The following SHISAL2A variants were observed in gnomAD, a reference collection of about 807,000 sequenced individuals.
The protein encoded by SHISAL2A is protein shisa-like-2A.
Under a neutral mutation model 11.5 loss-of-function variants are expected in SHISAL2A, and 18 were observed. The observed-to-expected ratio is 1.57, with a 90% CI of 1.08 to 2.33. The LOEUF (loss-of-function observed/expected upper bound fraction) is 2.33. SHISAL2A is among the 30% of genes most tolerant of loss of function. The pLI, the probability that SHISAL2A is intolerant of heterozygous loss-of-function variation, is 0.00. For synonymous variants in SHISAL2A, 94 were observed against 99.6 expected (o/e 0.94, Z 0.34); for missense variants, 261 against 250.9 (o/e 1.04, Z -0.27).
intron 2 of SHISAL2A, among the ~76,000 whole-genome samples, chr1:52,647,545 T>A (rs1449101584): frequency 1.3e-5 from 2 of 151,996 alleles, no homozygotes. Context: ...GGGAATGCAA[T>A]TCAAAAATGA....
intron 1 of SHISAL2A, among the ~76,000 whole-genome samples, chr1:52,637,858 T>C (rs780377018): frequency 6.6e-6 from 1 of 152,170 alleles, no homozygotes; most frequent in African/African-American, 2.4e-5. Flanking sequence ...GGTTTTTATC[T>C]TTCAGAGTCA....
chr1:52,637,119 C>A (rs977660252), intron 1 of SHISAL2A, among the ~76,000 whole-genome samples: 2 of 152,180 alleles, frequency 1.3e-5, no homozygotes, highest in African/African-American at 4.8e-5. Context: ...ATGGGCTGAT[C>A]TCTGGGGTAA....
chr1:52,648,912 A>G (rs577528380), intron 2 of SHISAL2A, among the ~76,000 whole-genome samples: 2 of 151,574 alleles, frequency 1.3e-5, no homozygotes, highest in Non-Finnish European at 2.9e-5. Context: ...AATGGAAACC[A>G]TCCTCCTGCT....
intron 2 of SHISAL2A, among the ~76,000 whole-genome samples, chr1:52,653,746 C>A (rs1361258394): frequency 1.3e-5 from 2 of 152,006 alleles, no homozygotes; most frequent in Non-Finnish European, 2.9e-5. Context: ...TGCAACCCGC[C>A]CTTTTTTTTT....
intron 4 of SHISAL2A, among the ~76,000 whole-genome samples, chr1:52,666,933 A>C (rs958960714): frequency 6.6e-6 from 1 of 152,192 alleles, no homozygotes; most frequent in African/African-American, 2.4e-5. Context: ...CTCTTGCCCC[A>C]TTGCAGCCAC....
intron 1 of SHISAL2A, among the ~76,000 whole-genome samples, chr1:52,634,047 T>G (rs1049682257): frequency 6.6e-6 from 1 of 151,638 alleles, no homozygotes; most frequent in African/African-American, 2.4e-5. Flanking sequence ...TCCACCCCAA[T>G]CATCATCCCA....
At position 52,648,589 on chromosome 1, in the gene SHISAL2A, C is replaced by T. The variant is rs1374885604; in HGVS notation, c.322+5587C>T. Among the ~76,000 whole-genome samples, 3 of 152,326 alleles carry T rather than the reference C, an allele frequency of 2.0e-5. No individual in the cohort carries two copies. In the East Asian group the frequency reaches 5.8e-4, roughly 29 times the overall value. On this transcript the variant is annotated intron_variant, in intron 2 of 2. Coordinates refer to ENST00000517870, the MANE Select transcript of SHISAL2A (RefSeq NM_001042693.3). ...CAGACACTGTTTGAAATTTCACACA[C>T]ACCATCTCCTCTAATCTTTCCAGCT...
At chr1:52,657,092 AG>A, downstream of SHISAL2A, 1 of 1,526,726 alleles carries the variant, frequency 6.5e-7, no homozygotes, top group Non-Finnish European at 8.8e-7. Context: ...CTTCAGTGAA[AG>A]GTGGGAGTGG....
chr1:52,643,725 C>T (rs992704499), intron 2 of SHISAL2A, among the ~76,000 whole-genome samples: 56 of 152,168 alleles, frequency 3.7e-4, no homozygotes, highest in African/African-American at 1.1e-3. Context: ...TGGTGGCAGG[C>T]GCCTATAATC....
At chr1:52,661,610 A>T (rs1050881237), downstream of SHISAL2A, among the ~76,000 whole-genome samples, 2 of 152,196 alleles carry the variant, frequency 1.3e-5, no homozygotes, top group Non-Finnish European at 2.9e-5. Flanking sequence ...GAACACTCAC[A>T]GGGGTGTGAA....
intron 1 of SHISAL2A, 96 bp from the exon 2 acceptor site, chr1:52,642,767 A>T: frequency 8.0e-7 from 1 of 1,256,512 alleles, no homozygotes; most frequent in Non-Finnish European, 1.1e-6. Flanking sequence ...TTTTCTTCCC[A>T]GCAGGCTCAT....
At chr1:52,643,045 G>A in intron 2 of SHISAL2A, 43 bp downstream of exon 2, 1 of 1,593,810 alleles carries the variant, frequency 6.3e-7, no homozygotes, top group African/African-American at 1.3e-5. Context: ...CGGTAGACTA[G>A]CACCTTTTCA....
chr1:52,656,741 C>A lies in SHISAL2A; in HGVS notation c.323-49C>A, dbSNP rs1285258126. 6 of 1,555,330 alleles carry A rather than the reference C, an allele frequency of 3.9e-6. No individual in the cohort carries two copies. In the East Asian group the frequency reaches 1.1e-4, roughly 29 times the overall value. On this transcript the variant is annotated intron_variant, in intron 2 of 2. Coordinates refer to ENST00000517870, the MANE Select transcript of SHISAL2A (RefSeq NM_001042693.3). The stretch of plus-strand genomic sequence containing the variant: ...AGAGAAGTCAGCTGGGGAGTGTGAT[C>A]CTGTTGGGGAAGAAGAGAGCCACAC...
At chr1:52,660,629 A>T (rs1161966716), downstream of SHISAL2A, among the ~76,000 whole-genome samples, 1 of 152,176 alleles carries the variant, frequency 6.6e-6, no homozygotes, top group African/African-American at 2.4e-5. Context: ...AGGGCGGAGG[A>T]GCTAGCTGGA....
At chr1:52,632,900 G>A (rs969030832), upstream of SHISAL2A, among the ~76,000 whole-genome samples, 3 of 152,086 alleles carry the variant, frequency 2.0e-5, no homozygotes, top group East Asian at 1.9e-4. Context: ...GAACATCCCC[G>A]GGCCCCTGGG....
At chr1:52,657,245 A>G (rs952677353), downstream of SHISAL2A, among the ~76,000 whole-genome samples, 2 of 152,220 alleles carry the variant, frequency 1.3e-5, no homozygotes, top group African/African-American at 4.8e-5. Context: ...AAAAATGGTC[A>G]GTAACAACTC....
At position 52,633,574 on chromosome 1, in the gene SHISAL2A, G is replaced by A; in HGVS notation, c.81G>A (p.Glu27=). The A allele has an allele frequency of 1.2e-6, 2 of 1,611,434 alleles. No homozygotes were observed. Among genetic ancestry groups the A allele is most frequent in the South Asian group, 1.1e-5 (1 of 90,940 alleles). The change falls in exon 1 of 3, where the codon GAG becomes GAA. Residue 27 remains glutamate (E), a synonymous_variant. Coordinates refer to ENST00000517870, the MANE Select transcript of SHISAL2A (RefSeq NM_001042693.3). The surrounding 1 kb of genome is among the most constrained non-coding windows in gnomAD (Gnocchi z 6.4). ...TCAGCTGCCCGCGGCCGGGGGGCGA[G>A]GCGGCCGCTGTCTTCTGCTGCGGCT... The part of the protein sequence containing the change: ...RGFSCPRPGG[E]AAAVFCCGFR...
rs1691168144 is a variant in SHISAL2A, at chr1:52,633,344, GTC to G, written c.-146_-145del. The G allele has an allele frequency of 1.4e-6, 1 of 719,406 alleles. No individual in the cohort carries two copies. Among genetic ancestry groups the G allele is most frequent in the East Asian group, 3.4e-5 (1 of 29,018 alleles). 44.6% of individuals were successfully genotyped at this position (719,406 alleles called of 1,614,324 possible). A position where few individuals can be genotyped will look rare whatever the true frequency, so the allele number is the denominator to read the frequency against. ...TCGGTCCTCGGGGCCCCGCGCTGCT[GTC>G]TCTGTCTCGGCTTCTCTCGGCCCCT... On this transcript the variant is annotated 5_prime_UTR_variant, in exon 1 of 3. Coordinates refer to ENST00000517870, the MANE Select transcript of SHISAL2A (RefSeq NM_001042693.3). This position sits in a 1 kb window ranked among gnomAD's most constrained non-coding sequence, Gnocchi z 6.4.
At chr1:52,636,818 A>T (rs1282419209) in intron 1 of SHISAL2A, among the ~76,000 whole-genome samples, 1 of 152,204 alleles carries the variant, frequency 6.6e-6, no homozygotes, top group Non-Finnish European at 1.5e-5. Context: ...GGCCTGTCTC[A>T]TCTCAAGCCC....
Sources: allele counts gnomAD v4.1 joint callset (sites outside exome capture counted in the v4.1 genomes callset), GRCh38; gene constraint gnomAD v4.1.1; non-coding constraint Gnocchi (gnomAD v3.1); transcripts MANE v1.5; gene names NCBI Gene and HGNC (gene_info 2026-07-23, HGNC 2026-07-21).